Variants in IL31RA observed in about 807,000 individuals in gnomAD.
IL31RA encodes interleukin 31 receptor A.
Under a neutral mutation model 83.7 loss-of-function variants are expected in IL31RA, and 66 were observed. The observed-to-expected ratio is 0.79, with a 90% confidence interval of 0.65 to 0.97. The LOEUF (loss-of-function observed/expected upper bound fraction) is 0.97, where lower values mean the gene tolerates loss of function less well. Ranked by LOEUF, IL31RA falls within the 50% of genes least tolerant of loss-of-function variation. The pLI is 0.00. For synonymous variants in IL31RA, 325 were observed against 329.0 expected, an observed-to-expected ratio of 0.99 and a Z score of 0.13; for missense variants, 798 against 919.4, an observed-to-expected ratio of 0.87 and a Z score of 1.71.
At chr5:55,909,707 C>CTTT (rs113348837) in intron 11 of IL31RA, among the ~76,000 whole-genome samples, 13 of 143,374 alleles carry the variant, frequency 9.1e-5, no homozygotes, top group African/African-American at 1.0e-4. Context: ...ATTTGTATAT[C>CTTT]TTTTTTTTTT....
intron 4 of IL31RA, among the ~76,000 whole-genome samples, chr5:55,877,684 C>G (rs1192297188): frequency 1.3e-5 from 2 of 152,124 alleles, no homozygotes; most frequent in East Asian, 1.9e-4. Context: ...CTTCTGGGCT[C>G]TAAGGTTTTT....
chr5:55,919,078 G>A lies in IL31RA; in HGVS notation c.*1958G>A, dbSNP rs193268442. Among the ~76,000 whole-genome samples the A allele has an allele frequency of 1.3e-5, 2 of 152,258 alleles. No homozygotes were observed. The highest frequency in any genetic ancestry group is 1.3e-4 in the Admixed American group (2 of 15,302). On this transcript the variant is annotated 3_prime_UTR_variant, in exon 15 of 15. Coordinates refer to ENST00000652347, the MANE Select transcript of IL31RA (RefSeq NM_139017.7). The stretch of plus-strand genomic sequence containing the variant: ...CTTCTGTGAGCCCACTGTCCCCAGA[G>A]TTCCAGATGGGGCCTTTGGCAACCC...
chr5:55,893,934 C>T (rs1748176797), intron 6 of IL31RA, among the ~76,000 whole-genome samples: 1 of 151,694 alleles, frequency 6.6e-6, no homozygotes, highest in African/African-American at 2.4e-5. Flanking sequence ...ACCTCAGCCT[C>T]CCGAATAGCT....
rs568361916 is a variant in IL31RA, at chr5:55,853,607, T to C, written c.63+1974T>C. 13 of 1,543,626 alleles carry C rather than the reference T, an allele frequency of 8.4e-6. No individual in the cohort carries two copies. The East Asian group carries it at 3.2e-4, about 38-fold the overall frequency. On this transcript the variant is annotated intron_variant, in intron 1 of 14. Transcript: ENST00000652347. The stretch of plus-strand genomic sequence containing the variant: ...ATTTAGAAGAGTGATAGTTTGATCA[T>C]CTTTTTCTACTTTATAAAAGTCTTT...
At chr5:55,860,414 A>G (rs1191023411) in intron 2 of IL31RA, among the ~76,000 whole-genome samples, 1 of 151,972 alleles carries the variant, frequency 6.6e-6, no homozygotes, top group Non-Finnish European at 1.5e-5. Context: ...CTCTCTAAAT[A>G]TCTCATTGTA....
At chr5:55,859,452 T>C in intron 1 of IL31RA, 57 bp from the exon 2 acceptor site, 1 of 1,233,478 alleles carries the variant, frequency 8.1e-7, no homozygotes. Flanking sequence ...CCATTGGAAA[T>C]AGAGCTTTTG....
rs539638918 is a variant in IL31RA at position 55,899,924 on chromosome 5, A to G, written c.861A>G (p.Arg287=). The G allele has an allele frequency of 5.0e-6, 8 of 1,613,746 alleles. No individual in the cohort carries two copies. Among genetic ancestry groups the G allele is most frequent in the Admixed American group, 1.7e-5 (1 of 60,002 alleles). ...RPVRLLWKKA[R]GAPVLEKTLG... ...GTTTTCTTTGGGTTCAGAAGGCAAG[A>G]GGAGCCCCAGTCCTAGAGAAAACAC... The change falls in exon 8 of 15, where the codon AGA becomes AGG. Residue 287 remains arginine (R), a synonymous_variant. Transcript: ENST00000652347.
chr5:55,909,924 G>A (rs1405994367), intron 11 of IL31RA, among the ~76,000 whole-genome samples: 2 of 152,132 alleles, frequency 1.3e-5, no homozygotes, highest in East Asian at 1.9e-4. Context: ...GGCTGGTCTC[G>A]AACTCCCGAC....
chr5:55,869,454 T>C (rs1171232036), intron 3 of IL31RA, among the ~76,000 whole-genome samples: 3 of 152,222 alleles, frequency 2.0e-5, no homozygotes, highest in African/African-American at 7.2e-5. Context: ...CTAGATGTTT[T>C]AAGTAAATAT....
At position 55,906,284 on chromosome 5, in the gene IL31RA, GC is replaced by G. The variant is rs766652988; in HGVS notation, c.1249del (p.Gln417LysfsTer4). Reference protein sequence around the residue: ...VSQATNWTIQQDKLKPFWCYN... With the variant: ...VSQATNWTIQXDKLKPFWCYN... ...CTCAGGCCACGAACTGGACGATCCA[GC>G]AAGGTAGCCAGGGCGGAACTCACAG... On this transcript the variant is annotated frameshift_variant, in exon 9 of 15. Transcript: ENST00000652347. LOFTEE classifies it high-confidence loss of function. 1 of 1,613,970 alleles carries G rather than the reference GC, an allele frequency of 6.2e-7. No individual in the cohort carries two copies. Among genetic ancestry groups the G allele is most frequent in the Non-Finnish European group, 8.5e-7 (1 of 1,180,024 alleles).
In IL31RA at chr5:55,900,135, A is replaced by G; in HGVS notation, c.1069+3A>G. The G allele has an allele frequency of 6.2e-7, 1 of 1,601,480 alleles. No homozygotes were observed. Among genetic ancestry groups the G allele is most frequent in the Non-Finnish European group, 8.6e-7 (1 of 1,168,454 alleles). On this transcript the variant is annotated splice_donor_region_variant and intron_variant, in intron 8 of 14. Coordinates refer to ENST00000652347, the MANE Select transcript of IL31RA (RefSeq NM_139017.7). ...GATTCCAGCTATTCAAGAAAAATGT[A>G]AGTAGAGCATCAACTTCTTCCTTAG...
chr5:55,850,284 G>GT (rs1233720348), upstream of IL31RA, among the ~76,000 whole-genome samples: 4 of 152,034 alleles, frequency 2.6e-5, no homozygotes, highest in African/African-American at 9.7e-5. Flanking sequence ...GAATTTTATT[G>GT]TATCACTTCT....
At position 55,920,238 on chromosome 5, in the gene IL31RA, C is replaced by G. The variant is rs150698911; in HGVS notation, c.*3118C>G. ...GGCTGCTCTGCTGATGCTCTGTGTG[C>G]GAGGAAAGCCTGTGCTGGCCTGTCC... On this transcript the variant is annotated 3_prime_UTR_variant, in exon 15 of 15. Transcript: ENST00000652347. Among the ~76,000 whole-genome samples the G allele has an allele frequency of 2.5e-3, 381 of 152,288 alleles. 1 individual carries two copies. The highest frequency in any genetic ancestry group is 8.8e-3 in the African/African-American group (364 of 41,558).
chr5:55,899,810 TA>T, intron 7 of IL31RA, 105 bp from the exon 8 acceptor site: 1 of 761,578 alleles, frequency 1.3e-6, no homozygotes, highest in Non-Finnish European at 2.4e-6. Flanking sequence ...GTTTAGTATC[TA>T]ATAGTTAGCC....
the IL31RA span, among the ~76,000 whole-genome samples, chr5:55,842,263 A>G: frequency 1.3e-5 from 2 of 152,230 alleles, no homozygotes; most frequent in Non-Finnish European, 2.9e-5. Flanking sequence ...ACCCTAATCC[A>G]GGATGATCAC....
chr5:55,909,333 AG>A (rs2112570062), intron 11 of IL31RA, among the ~76,000 whole-genome samples: 1 of 152,336 alleles, frequency 6.6e-6, no homozygotes, highest in South Asian at 2.1e-4. Flanking sequence ...TATTGTGAAT[AG>A]GGCTGCTATG....
At position 55,914,900 on chromosome 5, in the gene IL31RA, T is replaced by C. The variant is rs746365020; in HGVS notation, c.1790T>C (p.Ile597Thr). The C allele has an allele frequency of 1.9e-6, 3 of 1,613,334 alleles. No homozygotes were observed. The highest frequency in any genetic ancestry group is 2.5e-6 in the Non-Finnish European group (3 of 1,179,352). Residue 597 changes from isoleucine (I) to threonine (T), a missense_variant, in exon 14 of 15, where the codon ATA becomes ACA. Coordinates refer to ENST00000652347, the MANE Select transcript of IL31RA (RefSeq NM_139017.7). ...PTVPNPAESS[I>T]ATWHGDDFKD... ...GTTCCCAACCCTGCTGAAAGTAGTA[T>C]AGCCACATGGCATGGAGATGATTTC...
chr5:55,867,171 G>GTT (rs1561543094), intron 2 of IL31RA, among the ~76,000 whole-genome samples: 115 of 70,778 alleles, frequency 1.6e-3, no homozygotes, highest in African/African-American at 6.3e-3. Context: ...GTGTGTGCAT[G>GTT]TGTGTGTGCA....
intron 4 of IL31RA, among the ~76,000 whole-genome samples, chr5:55,880,192 A>G (rs1050847286): frequency 9.8e-5 from 15 of 152,354 alleles, no homozygotes; most frequent in South Asian, 8.3e-4. Context: ...TGTCTATTGT[A>G]TACAGCTCTA....
Sources: allele counts gnomAD v4.1 joint callset (sites outside exome capture counted in the v4.1 genomes callset), GRCh38; gene constraint gnomAD v4.1.1; transcripts MANE v1.5; gene names NCBI Gene and HGNC (gene_info 2026-07-23, HGNC 2026-07-21).